ATP10D: variants seen among roughly 807,000 people sequenced by gnomAD.
The protein encoded by ATP10D is phospholipid-transporting ATPase VD.
A neutral mutation model predicts 144.8 loss-of-function variants in ATP10D; 89 were observed. That is an observed-to-expected ratio of 0.61 (90% CI 0.52 to 0.73). The LOEUF (loss-of-function observed/expected upper bound fraction) is 0.73. Ranked by LOEUF, ATP10D falls within the 30% of genes least tolerant of loss-of-function variation. ATP10D has a pLI of 0.00. For synonymous variants in ATP10D, 571 were observed against 615.1 expected (o/e 0.93, Z 1.06); for missense variants, 1,603 against 1,714.8 (o/e 0.93, Z 1.15).
intron 9 of ATP10D, among the ~76,000 whole-genome samples, chr4:47,539,149 T>C (rs960622366): frequency 1.3e-5 from 2 of 152,228 alleles, no homozygotes; most frequent in East Asian, 1.9e-4. Context: ...ATCTTTGTTA[T>C]ATAAATTTGT....
At chr4:47,509,096 T>C (rs950136356) in intron 1 of ATP10D, among the ~76,000 whole-genome samples, 1 of 152,228 alleles carries the variant, frequency 6.6e-6, no homozygotes, top group Non-Finnish European at 1.5e-5. Context: ...TGAAAGGCTC[T>C]TTCCTGACTA....
chr4:47,586,578 T>G (rs1176495196), intron 21 of ATP10D, among the ~76,000 whole-genome samples: 1 of 152,182 alleles, frequency 6.6e-6, no homozygotes, highest in African/African-American at 2.4e-5. Context: ...TCCACCTGAA[T>G]GCTTACTCAG....
intron 1 of ATP10D, among the ~76,000 whole-genome samples, chr4:47,502,089 A>G (rs528461161): frequency 6.6e-6 from 1 of 152,292 alleles, no homozygotes; most frequent in African/African-American, 2.4e-5. Flanking sequence ...CACATATACA[A>G]CTGCAACATT....
intron 9 of ATP10D, among the ~76,000 whole-genome samples, chr4:47,539,498 A>G (rs989700618): frequency 3.3e-5 from 5 of 152,052 alleles, no homozygotes; most frequent in African/African-American, 1.2e-4. Context: ...ACACATATGT[A>G]TATGTTTTTG....
chr4:47,580,647 A>C (rs1720464399), intron 20 of ATP10D, among the ~76,000 whole-genome samples, 169 bp downstream of exon 20: 1 of 152,194 alleles, frequency 6.6e-6, no homozygotes, highest in Admixed American at 6.5e-5. Context: ...TAATGGATTA[A>C]ATTTAGATAG....
intron 6 of ATP10D, 23 bp from the exon 7 acceptor site, chr4:47,535,879 A>G: frequency 1.9e-6 from 3 of 1,596,800 alleles, no homozygotes; most frequent in East Asian, 2.2e-5. Flanking sequence ...TACATTTTCT[A>G]TCATACTGCA....
chr4:47,560,772 CAG>C (rs2109450996), intron 13 of ATP10D, among the ~76,000 whole-genome samples, 175 bp from the exon 14 acceptor site: 1 of 144,806 alleles, frequency 6.9e-6, no homozygotes, highest in East Asian at 2.1e-4. Context: ...AGTCTGACCA[CAG>C]AGTTTGGGAA....
chr4:47,577,107 T>C (rs1720278969), intron 19 of ATP10D, 134 bp downstream of exon 19: 2 of 775,040 alleles, frequency 2.6e-6, no homozygotes, highest in Middle Eastern at 2.6e-4. Context: ...GATCTCTACT[T>C]ATGTGGCAGA....
chr4:47,503,343 G>A (rs1715818084), intron 1 of ATP10D, among the ~76,000 whole-genome samples: 1 of 152,192 alleles, frequency 6.6e-6, no homozygotes, highest in Admixed American at 6.5e-5. Flanking sequence ...CACAGTGTCT[G>A]GCATATGGTA....
intron 1 of ATP10D, among the ~76,000 whole-genome samples, chr4:47,490,180 A>G (rs182415632): frequency 6.6e-6 from 1 of 152,344 alleles, no homozygotes; most frequent in East Asian, 1.9e-4. Flanking sequence ...TAATATAGTT[A>G]GAAGGTTTTA....
chr4:47,547,913 C>A (rs1222727767), intron 10 of ATP10D, among the ~76,000 whole-genome samples: 1 of 152,128 alleles, frequency 6.6e-6, no homozygotes, highest in Non-Finnish European at 1.5e-5. Context: ...AGCCATATGT[C>A]AAGTGATTCC....
In ATP10D at chr4:47,517,782, G is replaced by A. The variant is rs553403482; in HGVS notation, c.485+2112G>A. ...ATTAAAATTACCCAGTGGAAGACCTGGTATAACTTTTTTCTCAGGTGTCCT... is the reference window on the plus strand; with the variant it reads ...ATTAAAATTACCCAGTGGAAGACCTAGTATAACTTTTTTCTCAGGTGTCCT... On this transcript the variant is annotated intron_variant, in intron 3 of 22. Coordinates refer to ENST00000273859, the MANE Select transcript of ATP10D (RefSeq NM_020453.4). Among the ~76,000 whole-genome samples the A allele has an allele frequency of 2.4e-3, 371 of 152,136 alleles. 2 individuals are homozygous for A. The highest frequency in any genetic ancestry group is 8.4e-3 in the African/African-American group (347 of 41,518).
intron 9 of ATP10D, among the ~76,000 whole-genome samples, chr4:47,546,323 T>C (rs1359592919): frequency 1.8e-5 from 1 of 56,174 alleles, no homozygotes; most frequent in Non-Finnish European, 3.1e-5. Flanking sequence ...AAGTGGAGAA[T>C]TTGGTGTCTG....
intron 9 of ATP10D, among the ~76,000 whole-genome samples, chr4:47,539,321 A>G (rs1718013638): frequency 6.6e-6 from 1 of 152,164 alleles, no homozygotes; most frequent in African/African-American, 2.4e-5. Flanking sequence ...TTAAGTGTTT[A>G]TTATGTAATC....
chr4:47,528,551 A>C, intron 5 of ATP10D, among the ~76,000 whole-genome samples: 1 of 149,918 alleles, frequency 6.7e-6, no homozygotes, highest in African/African-American at 2.5e-5. Context: ...GTCTTTAATC[A>C]TCCATTGATG....
Position 47,512,582 on chromosome 4 carries a change from G to A in ATP10D, c.42G>A (p.Arg14=). ...ALQWARYHWR[R]LIRGATRDDD... is the part of the protein sequence containing the mutation. ...AATGGGCCAGATATCACTGGCGACG[G>A]CTGATCAGAGGTGCAACCAGGGATG... The change falls in exon 2 of 23, where the codon CGG becomes CGA. Residue 14 remains arginine, a synonymous_variant. Transcript: ENST00000273859. 6.2e-7 allele frequency: 1 copy of A among 1,614,174 alleles called. No individual in the cohort carries two copies. The highest frequency in any genetic ancestry group is 8.5e-7 in the Non-Finnish European group (1 of 1,180,018).
At position 47,581,947 on chromosome 4, in the gene ATP10D, C is replaced by T. The variant is rs1257257959; in HGVS notation, c.3649-13C>T. The T allele has an allele frequency of 5.0e-6, 8 of 1,603,250 alleles. No homozygotes were observed. Among genetic ancestry groups the T allele is most frequent in the Non-Finnish European group, 6.8e-6 (8 of 1,170,312 alleles). On this transcript the variant is annotated splice_polypyrimidine_tract_variant and intron_variant, in intron 20 of 22. Coordinates refer to ENST00000273859, the MANE Select transcript of ATP10D (RefSeq NM_020453.4). ...ACAACTCTCCAGGATCATCTAATGTCCTCTCTTTGTAGACCTACCAGGGCT... is the reference window on the plus strand; with the variant it reads ...ACAACTCTCCAGGATCATCTAATGTTCTCTCTTTGTAGACCTACCAGGGCT...
intron 9 of ATP10D, among the ~76,000 whole-genome samples, chr4:47,541,424 G>GCAC (rs1718129291): frequency 6.6e-6 from 1 of 152,122 alleles, no homozygotes. Flanking sequence ...ATTAAGGCTT[G>GCAC]GGATGTTGAA....
intron 12 of ATP10D, among the ~76,000 whole-genome samples, chr4:47,558,716 T>G (rs1347488838): frequency 6.6e-6 from 1 of 152,232 alleles, no homozygotes; most frequent in East Asian, 1.9e-4. Flanking sequence ...TTGTATCAGG[T>G]TCTTGTACTT....
Sources: gnomAD v4.1 joint callset for allele counts (sites outside exome capture counted in the v4.1 genomes callset) on GRCh38, gnomAD v4.1.1 for gene constraint, MANE v1.5 for transcripts, NCBI Gene and HGNC (gene_info 2026-07-23, HGNC 2026-07-21) for gene names.